The following CFAP47 variants were observed in gnomAD, a reference collection of about 807,000 sequenced individuals.
CFAP47 encodes the protein cilia and flagella associated protein 47, also known as cilia- and flagella-associated protein 47.
A neutral mutation model predicts 148.1 loss-of-function variants in CFAP47; 29 were observed. The observed-to-expected ratio is 0.20, with a 90% CI of 0.15 to 0.27. The LOEUF (loss-of-function observed/expected upper bound fraction) is 0.27. Among genes scored for constraint, CFAP47 ranks in the 10% least tolerant of loss-of-function variants. The pLI is 1.00. For synonymous variants in CFAP47, 664 were observed against 577.3 expected (o/e 1.15, Z -2.15); for missense variants, 1,872 against 1,697.5 (o/e 1.10, Z -1.81).
intron 57 of CFAP47, among the ~76,000 whole-genome samples, chrX:36,336,445 A>G (rs1941607837): frequency 1.8e-5 from 2 of 111,447 alleles, no homozygotes; most frequent in African/African-American, 6.5e-5. Flanking sequence ...CTCACCTGAC[A>G]CATACACCTG....
At chrX:35,932,974 T>A (rs1935854134) in intron 2 of CFAP47, among the ~76,000 whole-genome samples, 1 of 111,573 alleles carries the variant, frequency 9.0e-6, no homozygotes, top group African/African-American at 3.3e-5. Context: ...AAGGTTCACA[T>A]GAGATATTTT....
rs908759901 is a variant in CFAP47, at chrX:35,975,135, A to G, written c.2255-12A>G. On this transcript the variant is annotated splice_polypyrimidine_tract_variant and intron_variant, in intron 13 of 63. Coordinates refer to ENST00000378653, the MANE Select transcript of CFAP47 (RefSeq NM_001304548.2). ...CTTTAAACTTAACAAAATACTTTTC[A>G]TTTTTTTTCAGGGCCTTCTGTCCTT... is the stretch of plus-strand genomic sequence containing the variant. 9.5e-7 allele frequency: 1 copy of G among 1,053,309 alleles called. No individual in the cohort carries two copies. Among genetic ancestry groups the G allele is most frequent in the South Asian group, 2.5e-5 (1 of 39,512 alleles). 86.8% of individuals were successfully genotyped at this position (1,053,309 alleles called of 1,213,427 possible).
chrX:36,201,770 G>A (rs781803516), intron 44 of CFAP47, among the ~76,000 whole-genome samples: 3 of 110,839 alleles, frequency 2.7e-5, no homozygotes, highest in African/African-American at 9.8e-5. Flanking sequence ...TTGCACATTA[G>A]AGTGCCCTGG....
At chrX:36,296,826 T>C (rs1556006850) in intron 51 of CFAP47, among the ~76,000 whole-genome samples, 1 of 112,005 alleles carries the variant, frequency 8.9e-6, no homozygotes, top group Non-Finnish European at 1.9e-5. Flanking sequence ...TACCCTTTTT[T>C]CTAGTGGTTG....
chrX:36,199,867 T>C (rs1939960245), intron 42 of CFAP47, among the ~76,000 whole-genome samples: 1 of 111,566 alleles, frequency 9.0e-6, no homozygotes, highest in Admixed American at 9.6e-5. Context: ...AGAGGGCTTT[T>C]GTTAATCAAA....
chrX:36,007,654 A>T (rs1936996030), intron 21 of CFAP47, among the ~76,000 whole-genome samples: 1 of 111,632 alleles, frequency 9.0e-6, no homozygotes, highest in Non-Finnish European at 1.9e-5. Context: ...GAATCATGGA[A>T]CCTCCTAATT....
At chrX:36,084,168 T>C (rs186368085) in intron 29 of CFAP47, among the ~76,000 whole-genome samples, 1 of 111,522 alleles carries the variant, frequency 9.0e-6, no homozygotes, top group East Asian at 2.8e-4. Context: ...GGCAAAATTA[T>C]CAATTTTGAA....
chrX:36,243,294 C>T (rs1362907875), intron 48 of CFAP47, among the ~76,000 whole-genome samples: 2 of 110,471 alleles, frequency 1.8e-5, no homozygotes, highest in Non-Finnish European at 3.8e-5. Context: ...TAATTACCAG[C>T]TAACAACATG....
At chrX:35,928,987 ATT>A (rs57384273) in intron 2 of CFAP47, among the ~76,000 whole-genome samples, 1 of 109,683 alleles carries the variant, frequency 9.1e-6, no homozygotes. Context: ...TGTGTTCTGC[ATT>A]TTTTTTCCAT....
intron 33 of CFAP47, among the ~76,000 whole-genome samples, chrX:36,105,407 T>A (rs866859377): frequency 9.6e-4 from 108 of 111,978 alleles, no homozygotes; most frequent in African/African-American, 3.4e-3. Flanking sequence ...AAGTAGACTG[T>A]TTTTTAACAT....
At chrX:35,932,205 A>T (rs1474050686) in intron 2 of CFAP47, among the ~76,000 whole-genome samples, 3 of 106,603 alleles carry the variant, frequency 2.8e-5, no homozygotes, top group Non-Finnish European at 3.9e-5. Context: ...TGCACCACCA[A>T]GCCTGGCTAA....
chrX:36,368,614 A>C (rs1334303078), intron 62 of CFAP47, among the ~76,000 whole-genome samples: 1 of 111,516 alleles, frequency 9.0e-6, no homozygotes, highest in Non-Finnish European at 1.9e-5. Context: ...TCTTGTGAAA[A>C]AAATTGGTTT....
At chrX:36,110,798 G>T (rs780225387) in intron 33 of CFAP47, among the ~76,000 whole-genome samples, 3 of 111,683 alleles carry the variant, frequency 2.7e-5, no homozygotes, top group African/African-American at 9.7e-5. Context: ...GCAGTGTTTT[G>T]TAATTCTCCT....
intron 6 of CFAP47, among the ~76,000 whole-genome samples, chrX:35,952,912 C>G (rs1186327454): frequency 2.7e-5 from 3 of 111,972 alleles, no homozygotes; most frequent in South Asian, 7.3e-4. Flanking sequence ...TCTGACCACA[C>G]TATTTGTATT....
At chrX:36,159,331 GGA>G in intron 37 of CFAP47, 93 bp from the exon 38 acceptor site, 1 of 291,817 alleles carries the variant, frequency 3.4e-6, no homozygotes, top group East Asian at 4.8e-5. Flanking sequence ...CCTTGCAGGG[GGA>G]TGTAGGCATT....
At chrX:36,042,978 A>G (rs1027034095) in intron 25 of CFAP47, among the ~76,000 whole-genome samples, 1 of 111,734 alleles carries the variant, frequency 8.9e-6, no homozygotes, top group Non-Finnish European at 1.9e-5. Flanking sequence ...ATAGCCTTAA[A>G]AAAGTTTCAT....
chrX:36,149,617 A>T (rs751728297), intron 37 of CFAP47, among the ~76,000 whole-genome samples: 2,881 of 96,436 alleles, frequency 0.03, 81 homozygotes, highest in African/African-American at 0.077. Context: ...TATTTATTTT[A>T]TTTTTTTTTG....
intron 49 of CFAP47, among the ~76,000 whole-genome samples, chrX:36,260,493 T>C (rs1555999825): frequency 4.4e-5 from 5 of 112,383 alleles, no homozygotes; most frequent in Non-Finnish European, 1.9e-5. Context: ...ATCAGCATTT[T>C]TTCATATATT....
intron 15 of CFAP47, among the ~76,000 whole-genome samples, chrX:35,982,782 A>G (rs922835141): frequency 9.0e-6 from 1 of 110,641 alleles, no homozygotes; most frequent in Non-Finnish European, 1.9e-5. Context: ...GTGTGGCTTT[A>G]TTTCTGGACT....
Sources: allele counts gnomAD v4.1 joint callset (sites outside exome capture counted in the v4.1 genomes callset), GRCh38; gene constraint gnomAD v4.1.1; transcripts MANE v1.5; gene names NCBI Gene and HGNC (gene_info 2026-07-23, HGNC 2026-07-21).